Variants in PDE4B observed in about 807,000 individuals in gnomAD.
PDE4B encodes the protein phosphodiesterase 4B.
Under a neutral mutation model 82.2 loss-of-function variants are expected in PDE4B, and 20 were observed. The observed-to-expected ratio is 0.24, with a 90% CI of 0.17 to 0.35. The LOEUF is 0.35. PDE4B is among the 10% of genes least tolerant of loss of function. The pLI, the probability that PDE4B is intolerant of heterozygous loss-of-function variation, is 1.00. For synonymous variants in PDE4B, 320 were observed against 318.9 expected (o/e 1.00, Z -0.04); for missense variants, 655 against 907.2 (o/e 0.72, Z 3.57).
chr1:66,256,887 C>A (rs1654273025), intron 4 of PDE4B, among the ~76,000 whole-genome samples: 1 of 152,202 alleles, frequency 6.6e-6, no homozygotes, highest in African/African-American at 2.4e-5. Context: ...ACCAACATGT[C>A]TTCTAGTACC....
At chr1:66,039,606 T>A (rs1251633686) in intron 3 of PDE4B, among the ~76,000 whole-genome samples, 1 of 152,036 alleles carries the variant, frequency 6.6e-6, no homozygotes, top group African/African-American at 2.4e-5. Context: ...TGATCTATAA[T>A]CCCATGTATA....
chr1:65,917,360 A>G (rs1284878770), intron 2 of PDE4B, among the ~76,000 whole-genome samples: 1 of 152,208 alleles, frequency 6.6e-6, no homozygotes. Context: ...CTAGTAGGAA[A>G]TACCTGTCTT....
chr1:66,265,289 C>T (rs1403884361), intron 6 of PDE4B, among the ~76,000 whole-genome samples: 1 of 152,072 alleles, frequency 6.6e-6, no homozygotes, highest in Admixed American at 6.5e-5. Context: ...AGCAGTGCAT[C>T]AGGAAACAGG....
At chr1:66,065,929 G>A (rs879224902) in intron 3 of PDE4B, among the ~76,000 whole-genome samples, 9 of 151,774 alleles carry the variant, frequency 5.9e-5, no homozygotes, top group Admixed American at 2.6e-4. Flanking sequence ...TTATTTAACC[G>A]TAGTACAAAA....
chr1:66,165,042 T>C (rs1358299206), intron 3 of PDE4B, among the ~76,000 whole-genome samples: 1 of 151,874 alleles, frequency 6.6e-6, no homozygotes, highest in Non-Finnish European at 1.5e-5. Flanking sequence ...ATTACAGGGG[T>C]AAGCCACCAC....
intron 1 of PDE4B, among the ~76,000 whole-genome samples, chr1:65,850,565 T>G (rs1184754742): frequency 6.6e-6 from 1 of 152,200 alleles, no homozygotes; most frequent in Non-Finnish European, 1.5e-5. Flanking sequence ...GTGTATCTTT[T>G]TATGAGAAGT....
chr1:66,324,117 C>T (rs1557700818), intron 7 of PDE4B, among the ~76,000 whole-genome samples: 1 of 152,016 alleles, frequency 6.6e-6, no homozygotes, highest in Non-Finnish European at 1.5e-5. Flanking sequence ...GGGAGGTAGA[C>T]CAAAAGGAAA....
intron 3 of PDE4B, among the ~76,000 whole-genome samples, chr1:66,240,424 T>C (rs1652801414): frequency 6.6e-6 from 1 of 152,216 alleles, no homozygotes; most frequent in Non-Finnish European, 1.5e-5. Context: ...ACTACCTGTA[T>C]CTGATCTTAA....
At chr1:65,856,261 A>G (rs1198210162) in intron 1 of PDE4B, among the ~76,000 whole-genome samples, 1 of 152,134 alleles carries the variant, frequency 6.6e-6, no homozygotes, top group Non-Finnish European at 1.5e-5. Context: ...ACATGAGTAT[A>G]CATGTGCCAT....
rs185762720 is a variant in PDE4B at position 65,912,225 on chromosome 1, G to A, written c.-70-1020G>A. On this transcript the variant is annotated intron_variant, in intron 1 of 16. Transcript: ENST00000341517. ...TGTATTGTCTTGTAGTCTGTTGTAT[G>A]ACAACTTTATATTTTAAAAATTTTA... 1.1e-4 allele frequency among the ~76,000 whole-genome samples: 16 copies of A among 152,158 alleles called. 1 individual carries two copies. The East Asian group carries it at 3.1e-3, about 29-fold the overall frequency.
intron 3 of PDE4B, among the ~76,000 whole-genome samples, chr1:66,150,604 G>A (rs756536743): frequency 2.0e-5 from 3 of 152,112 alleles, no homozygotes; most frequent in Non-Finnish European, 4.4e-5. Context: ...AGACAGCCTC[G>A]TTTTGTCCCT....
intron 1 of PDE4B, among the ~76,000 whole-genome samples, chr1:65,904,739 T>A (rs1647009171): frequency 6.6e-6 from 1 of 152,102 alleles, no homozygotes; most frequent in African/African-American, 2.4e-5. Flanking sequence ...TGGGTGTGAA[T>A]CCTGTCTCTC....
chr1:66,205,127 C>A (rs1416003727), intron 3 of PDE4B, among the ~76,000 whole-genome samples: 1 of 152,188 alleles, frequency 6.6e-6, no homozygotes, highest in Non-Finnish European at 1.5e-5. Context: ...ACTCTCTCTC[C>A]TTTCATACTT....
At chr1:66,144,595 CA>C (rs1431507092) in intron 3 of PDE4B, among the ~76,000 whole-genome samples, 1 of 152,194 alleles carries the variant, frequency 6.6e-6, no homozygotes, top group African/African-American at 2.4e-5. Context: ...AGGGAATGCT[CA>C]CTGGAGAATT....
At chr1:65,914,679 G>A (rs1239316596) in intron 2 of PDE4B, among the ~76,000 whole-genome samples, 1 of 150,100 alleles carries the variant, frequency 6.7e-6, no homozygotes, top group Non-Finnish European at 1.5e-5. Context: ...TTGTTTTTTG[G>A]AAGAATAAAA....
chr1:66,271,442 T>C (rs985074789), intron 7 of PDE4B, among the ~76,000 whole-genome samples: 1 of 152,230 alleles, frequency 6.6e-6, no homozygotes, highest in Non-Finnish European at 1.5e-5. Context: ...AGTTATGCTA[T>C]TGACGTCAAT....
chr1:66,059,037 C>G (rs1336764699), intron 3 of PDE4B, among the ~76,000 whole-genome samples: 1 of 152,322 alleles, frequency 6.6e-6, no homozygotes, highest in East Asian at 1.9e-4. Context: ...CACAAGTCAC[C>G]TCTTGAATGT....
chr1:66,219,427 T>C (rs950664312), intron 3 of PDE4B, among the ~76,000 whole-genome samples: 2 of 152,168 alleles, frequency 1.3e-5, no homozygotes, highest in African/African-American at 4.8e-5. Context: ...ATTACAGCAT[T>C]TTCTTACATT....
At chr1:66,047,138 C>T (rs1654760721) in intron 3 of PDE4B, among the ~76,000 whole-genome samples, 1 of 151,718 alleles carries the variant, frequency 6.6e-6, no homozygotes, top group Admixed American at 6.6e-5. Context: ...GTGAAACATG[C>T]CATCTTTTAA....
Sources: allele counts gnomAD v4.1 joint callset (sites outside exome capture counted in the v4.1 genomes callset), GRCh38; gene constraint gnomAD v4.1.1; transcripts MANE v1.5; gene names NCBI Gene and HGNC (gene_info 2026-07-23, HGNC 2026-07-21).